The following OTUD6B variants were observed in gnomAD, a reference collection of about 807,000 sequenced individuals.
OTUD6B encodes the protein deubiquitinase OTUD6B.
Under a neutral mutation model 36.9 loss-of-function variants are expected in OTUD6B, and 41 were observed. The observed-to-expected ratio is 1.11, with a 90% CI of 0.87 to 1.44. OTUD6B has a LOEUF of 1.44. Ranked by LOEUF, OTUD6B falls within the 40% of genes most tolerant of loss-of-function variation. The pLI is 0.00. For missense variants in OTUD6B, 356 were observed against 344.8 expected, an observed-to-expected ratio of 1.03 and a Z score of -0.26; for synonymous variants, 114 against 114.2, an observed-to-expected ratio of 1.00 and a Z score of 0.01.
Position 91,085,506 on chromosome 8 carries a change from A to G in OTUD6B, c.*638A>G, listed in dbSNP as rs2130449344. On this transcript the variant is annotated 3_prime_UTR_variant, in exon 7 of 7. Transcript: ENST00000404789. ...AGAAGTGAGATAAATTCAAAGGTAA[A>G]TAGGTATTCTCTGTCAAATTTAAAT... 1 of 152,104 alleles carries G rather than the reference A, an allele frequency of 6.6e-6. No homozygotes were observed. Among genetic ancestry groups the G allele is most frequent in the South Asian group, 2.1e-4 (1 of 4,828 alleles). 9.4% of individuals were successfully genotyped at this position (152,104 alleles called of 1,614,324 possible). A position where few individuals can be genotyped will look rare whatever the true frequency, so the allele number is the denominator to read the frequency against.
chr8:91,084,851 A>G lies in OTUD6B; in HGVS notation c.865A>G (p.Thr289Ala). ...NSVTRLVNIV[T>A]ENCS The stretch of plus-strand genomic sequence containing the variant: ...GGTTACACGGTTGGTAAACATAGTT[A>G]CTGAAAATTGCAGCTAATTTATACA... Residue 289 changes from threonine to alanine, a missense_variant, in exon 7 of 7, where the codon ACT becomes GCT. Coordinates refer to ENST00000404789, the MANE Select transcript of OTUD6B (RefSeq NM_016023.5). 2 of 1,561,066 alleles carry G rather than the reference A, an allele frequency of 1.3e-6. No homozygotes were observed. The highest frequency in any genetic ancestry group is 1.1e-5 in the South Asian group (1 of 87,248).
At chr8:91,077,037 A>G (rs1181966396) in intron 3 of OTUD6B, among the ~76,000 whole-genome samples, 1 of 152,116 alleles carries the variant, frequency 6.6e-6, no homozygotes, top group Non-Finnish European at 1.5e-5. Context: ...CTTTTGTTCC[A>G]AGGAGAAATC....
At position 91,073,828 on chromosome 8, in the gene OTUD6B, C is replaced by T. The variant is rs1484549080; in HGVS notation, c.235-3C>T. 1.9e-6 allele frequency: 3 copies of T among 1,572,630 alleles called. No homozygotes were observed. In the Admixed American group the frequency reaches 5.5e-5, roughly 29 times the overall value. On this transcript the variant is annotated splice_polypyrimidine_tract_variant and splice_region_variant and intron_variant, in intron 2 of 6. Transcript: ENST00000404789. The stretch of plus-strand genomic sequence containing the variant: ...ACTTGTTAATGCTTTTTGTTTCCTT[C>T]AGATAGATTCTGTTGCTGTTAACAT...
At chr8:91,077,512 A>T (rs1268292675) in intron 3 of OTUD6B, among the ~76,000 whole-genome samples, 1 of 151,646 alleles carries the variant, frequency 6.6e-6, no homozygotes, top group East Asian at 1.9e-4. Context: ...TCTGTTAGGA[A>T]TTTTTTTTCC....
In OTUD6B at chr8:91,078,567, T is replaced by A. The variant is rs1229514143; in HGVS notation, c.527T>A (p.Val176Glu). The change falls in exon 4 of 7, where the codon GTG (valine) becomes GAG (glutamate). Residue 176 changes from valine to glutamate, a missense_variant. Coordinates refer to ENST00000404789, the MANE Select transcript of OTUD6B (RefSeq NM_016023.5). ...AAAGAAAAGGATTGTGCTCTGACTGTGGTTGCCTTGAGAAGTCAGACCGCT... is the reference window on the plus strand; with the variant it reads ...AAAGAAAAGGATTGTGCTCTGACTGAGGTTGCCTTGAGAAGTCAGACCGCT... Reference protein sequence around the residue: ...QLKEKDCALTVVALRSQTAEY... With the variant: ...QLKEKDCALTEVALRSQTAEY... The A allele has an allele frequency of 1.2e-6, 2 of 1,607,636 alleles. No individual in the cohort carries two copies. The highest frequency in any genetic ancestry group is 2.7e-5 in the African/African-American group (2 of 74,814).
At chr8:91,084,510 T>C (rs112056129) in intron 6 of OTUD6B, 2 of 153,290 alleles carry the variant, frequency 1.3e-5, no homozygotes, top group African/African-American at 4.8e-5. Flanking sequence ...ATTAAGATAG[T>C]CATCAATGGC....
chr8:91,080,838 CCTTTT>C, intron 5 of OTUD6B, 108 bp downstream of exon 5: 2 of 768,338 alleles, frequency 2.6e-6, no homozygotes, highest in Non-Finnish European at 4.2e-6. Flanking sequence ...TTTGAAGATT[CCTTTT>C]CTTTATATAT....
chr8:91,075,016 G>A (rs923258255), intron 3 of OTUD6B, among the ~76,000 whole-genome samples: 34 of 151,974 alleles, frequency 2.2e-4, no homozygotes, highest in African/African-American at 7.5e-4. Flanking sequence ...TGATAGTATT[G>A]TTTCTATATT....
chr8:91,082,391 T>G (rs937021346), intron 5 of OTUD6B, among the ~76,000 whole-genome samples: 5 of 152,068 alleles, frequency 3.3e-5, no homozygotes, highest in Non-Finnish European at 7.4e-5. Context: ...TTTACTTTCT[T>G]TTTGAGACAG....
chr8:91,079,446 T>A (rs1427519385), intron 4 of OTUD6B, among the ~76,000 whole-genome samples: 2 of 152,090 alleles, frequency 1.3e-5, no homozygotes, highest in African/African-American at 4.8e-5. Flanking sequence ...TTGATAAGAA[T>A]GAGCATTGGC....
intron 3 of OTUD6B, among the ~76,000 whole-genome samples, chr8:91,077,499 C>T (rs1404479617): frequency 2.0e-5 from 3 of 151,834 alleles, no homozygotes; most frequent in Non-Finnish European, 2.9e-5. Flanking sequence ...CATTACTAGT[C>T]CATCTGTTAG....
At chr8:91,077,701 T>C (rs909689882) in intron 3 of OTUD6B, among the ~76,000 whole-genome samples, 1 of 152,160 alleles carries the variant, frequency 6.6e-6, no homozygotes, top group Non-Finnish European at 1.5e-5. Context: ...ATTAAGAATT[T>C]ATACATATTT....
At chr8:91,073,002 A>T (rs969319499) in intron 2 of OTUD6B, among the ~76,000 whole-genome samples, 1 of 152,182 alleles carries the variant, frequency 6.6e-6, no homozygotes, top group African/African-American at 2.4e-5. Flanking sequence ...AGATGTTTGT[A>T]AATTTTAACA....
intron 3 of OTUD6B, chr8:91,076,444 A>C: frequency 7.1e-7 from 1 of 1,400,944 alleles, no homozygotes; most frequent in Non-Finnish European, 9.4e-7. Flanking sequence ...GAAGCAAAGC[A>C]TGAAGGGAAA....
intron 1 of OTUD6B, 133 bp downstream of exon 1, chr8:91,070,599 CTT>C (rs1377397920): frequency 1.7e-5 from 14 of 801,576 alleles, no homozygotes; most frequent in Non-Finnish European, 2.6e-5. Context: ...CAAGTGGCCT[CTT>C]CTCTCTTCAC....
intron 2 of OTUD6B, among the ~76,000 whole-genome samples, chr8:91,071,753 C>T (rs536715168): frequency 2.4e-4 from 37 of 152,316 alleles, no homozygotes; most frequent in African/African-American, 8.9e-4. Flanking sequence ...ACCAAGTTTA[C>T]AGGGCAGTGT....
At chr8:91,083,610 C>A (rs1812949015) in intron 5 of OTUD6B, among the ~76,000 whole-genome samples, 1 of 152,048 alleles carries the variant, frequency 6.6e-6, no homozygotes, top group Non-Finnish European at 1.5e-5. Flanking sequence ...TGTGACAGGT[C>A]ACAGTTCAAA....
At chr8:91,080,500 A>T in intron 4 of OTUD6B, 169 bp from the exon 5 acceptor site, 1 of 878,786 alleles carries the variant, frequency 1.1e-6, no homozygotes, top group Non-Finnish European at 1.4e-6. Flanking sequence ...AGTTGGGGTG[A>T]ATTAAGTTTG....
chr8:91,080,432 A>G (rs548406436), intron 4 of OTUD6B: 24 of 386,834 alleles, frequency 6.2e-5, no homozygotes, highest in Non-Finnish European at 7.8e-5. Flanking sequence ...CTGGGCCTCC[A>G]ACAGAAGAAG....
Sources: allele counts gnomAD v4.1 joint callset (sites outside exome capture counted in the v4.1 genomes callset), GRCh38; gene constraint gnomAD v4.1.1; transcripts MANE v1.5; gene names NCBI Gene and HGNC (gene_info 2026-07-23, HGNC 2026-07-21).